The following NR3C2 variants were observed in gnomAD, a reference collection of about 807,000 sequenced individuals.
The protein encoded by NR3C2 is mineralocorticoid receptor.
A neutral mutation model predicts 86.4 loss-of-function variants in NR3C2; 15 were observed. The observed-to-expected ratio is 0.17, with a 90% confidence interval of 0.12 to 0.27. The LOEUF (loss-of-function observed/expected upper bound fraction) is 0.27. NR3C2 is among the 10% of genes least tolerant of loss of function. The pLI, the probability that NR3C2 is intolerant of heterozygous loss-of-function variation, is 1.00. For synonymous variants in NR3C2, 458 were observed against 450.5 expected (o/e 1.02, Z -0.21); for missense variants, 960 against 1,195.6 (o/e 0.80, Z 2.91).
chr4:148,435,454 T>G lies in NR3C2; in HGVS notation c.1407A>C (p.Leu469=). 7 of 1,614,148 alleles carry G rather than the reference T, an allele frequency of 4.3e-6. No individual in the cohort carries two copies. The highest frequency in any genetic ancestry group is 5.1e-6 in the Non-Finnish European group (6 of 1,180,018). ...SFMDDKDYYS[L]SGILGPPVPG... Reference sequence around the variant, plus strand: ...GCACAGGTGGTCCTAAAATTCCTGATAGGGAATAATAGTCTTTATCATCCA... The same window carrying G: ...GCACAGGTGGTCCTAAAATTCCTGAGAGGGAATAATAGTCTTTATCATCCA... Residue 469 remains leucine, a synonymous_variant, in exon 2 of 9, where the codon CTA becomes CTC. Coordinates refer to ENST00000358102, the MANE Select transcript of NR3C2 (RefSeq NM_000901.5).
chr4:148,298,559 A>AT, intron 2 of NR3C2, among the ~76,000 whole-genome samples: 1 of 152,374 alleles, frequency 6.6e-6, no homozygotes, highest in African/African-American at 2.4e-5. Flanking sequence ...AAAATCAATA[A>AT]TGGCAAATTA....
intron 2 of NR3C2, among the ~76,000 whole-genome samples, chr4:148,334,652 C>T (rs1744394087): frequency 6.6e-6 from 1 of 152,092 alleles, no homozygotes; most frequent in Admixed American, 6.5e-5. Flanking sequence ...AAGGAACAAC[C>T]AATGTAAAAG....
At chr4:148,381,367 A>G (rs981786995) in intron 2 of NR3C2, among the ~76,000 whole-genome samples, 10 of 152,216 alleles carry the variant, frequency 6.6e-5, no homozygotes. Flanking sequence ...GTTTCTCTAG[A>G]AAAATGTCCT....
chr4:148,354,012 T>C (rs1040709525), intron 2 of NR3C2, among the ~76,000 whole-genome samples: 1 of 152,120 alleles, frequency 6.6e-6, no homozygotes, highest in Non-Finnish European at 1.5e-5. Context: ...TCCTAAGATA[T>C]TATACTGCTA....
intron 6 of NR3C2, among the ~76,000 whole-genome samples, chr4:148,136,661 T>G (rs1030586953): frequency 6.6e-6 from 1 of 152,148 alleles, no homozygotes; most frequent in Admixed American, 6.5e-5. Flanking sequence ...TGCTTTTTTT[T>G]TTGAGATGGA....
Position 148,377,139 on chromosome 4 carries a change from T to A in NR3C2, c.1757+57965A>T, listed in dbSNP as rs866422708. Among the ~76,000 whole-genome samples, 37 of 152,272 alleles carry A rather than the reference T, an allele frequency of 2.4e-4. 1 individual carries two copies. In the Middle Eastern group the frequency reaches 0.014, roughly 56 times the overall value. ...GGAAGGAAGACAAAAGAAAGGTAAA[T>A]ACATATGATGTATAGATTATTAGAT... On this transcript the variant is annotated intron_variant, in intron 2 of 8. Transcript: ENST00000358102.
At chr4:148,170,625 G>C (rs369413461) in intron 4 of NR3C2, among the ~76,000 whole-genome samples, 2 of 152,164 alleles carry the variant, frequency 1.3e-5, no homozygotes, top group Non-Finnish European at 2.9e-5. Context: ...ACTCCCCTTC[G>C]ATGGAGCATT....
intron 3 of NR3C2, among the ~76,000 whole-genome samples, chr4:148,239,390 A>G (rs1480726619): frequency 6.6e-6 from 1 of 152,212 alleles, no homozygotes; most frequent in African/African-American, 2.4e-5. Context: ...TCTTCAGTTC[A>G]GCACTGGGGC....
chr4:148,276,457 A>G lies in NR3C2; in HGVS notation c.1758-16340T>C, dbSNP rs539919195. Among the ~76,000 whole-genome samples the G allele has an allele frequency of 2.0e-5, 3 of 152,308 alleles. No homozygotes were observed. The South Asian group carries it at 6.2e-4, about 32-fold the overall frequency. ...AGGAGAGTTTATCCTTACTACTCAA[A>G]AGAGTTACAGGAAGTTAAAAGACTT... On this transcript the variant is annotated intron_variant, in intron 2 of 8. Coordinates refer to ENST00000358102, the MANE Select transcript of NR3C2 (RefSeq NM_000901.5).
intron 3 of NR3C2, among the ~76,000 whole-genome samples, chr4:148,231,851 C>G (rs1394530666): frequency 6.6e-6 from 1 of 152,200 alleles, no homozygotes. Context: ...CAACAATGTT[C>G]AAAGCATCTT....
At chr4:148,343,984 A>G (rs1323348496) in intron 2 of NR3C2, among the ~76,000 whole-genome samples, 1 of 152,146 alleles carries the variant, frequency 6.6e-6, no homozygotes, top group Non-Finnish European at 1.5e-5. Flanking sequence ...TGTTGGTGAC[A>G]ATTCCTGACA....
At position 148,101,327 on chromosome 4, in the gene NR3C2, A is replaced by T. The variant is rs541248271; in HGVS notation, c.2799+12777T>A. On this transcript the variant is annotated intron_variant, in intron 8 of 8. Coordinates refer to ENST00000358102, the MANE Select transcript of NR3C2 (RefSeq NM_000901.5). ...TGTCTAAAAACCAGCCGCTGGGAAA[A>T]CATTAACCTTCTTGAAAGAGGTAAG... is the stretch of plus-strand genomic sequence containing the variant. Among the ~76,000 whole-genome samples the T allele has an allele frequency of 2.0e-5, 3 of 152,314 alleles. No individual in the cohort carries two copies. In the South Asian group the frequency reaches 6.2e-4, roughly 32 times the overall value.
At chr4:148,429,341 G>A (rs1459038799) in intron 2 of NR3C2, among the ~76,000 whole-genome samples, 1 of 152,192 alleles carries the variant, frequency 6.6e-6, no homozygotes, top group Non-Finnish European at 1.5e-5. Context: ...CATCAGAAAT[G>A]AAATTAAGTC....
At chr4:148,319,089 A>C (rs991766649) in intron 2 of NR3C2, among the ~76,000 whole-genome samples, 1 of 151,722 alleles carries the variant, frequency 6.6e-6, no homozygotes, top group African/African-American at 2.4e-5. Flanking sequence ...TCAGCTTTCT[A>C]CATATGGCTA....
At chr4:148,204,979 A>T (rs570278633) in intron 3 of NR3C2, among the ~76,000 whole-genome samples, 6 of 152,308 alleles carry the variant, frequency 3.9e-5, no homozygotes, top group Admixed American at 3.9e-4. Context: ...CCAACCAGCT[A>T]ATCCCTCAAG....
chr4:148,149,304 A>G (rs1251761906), intron 6 of NR3C2, among the ~76,000 whole-genome samples: 6 of 152,176 alleles, frequency 3.9e-5, no homozygotes, highest in Admixed American at 1.3e-4. Context: ...ATCTGTATCA[A>G]TATTTTCTAG....
chr4:148,407,004 T>G (rs1027431864), intron 2 of NR3C2, among the ~76,000 whole-genome samples: 10 of 152,214 alleles, frequency 6.6e-5, no homozygotes. Context: ...GACAACCATT[T>G]GCAAAGAGTT....
In NR3C2 at chr4:148,098,287, A is replaced by T. The variant is rs372298261; in HGVS notation, c.2799+15817T>A. Among the ~76,000 whole-genome samples the T allele has an allele frequency of 1.1e-4, 17 of 152,310 alleles. No individual in the cohort carries two copies. In the East Asian group the frequency reaches 3.3e-3, roughly 29 times the overall value. ...ACATCTTATTTAATGTATACTGCCA[A>T]TTCCCTAACATTGAACTCATGGCCA... is the stretch of plus-strand genomic sequence containing the variant. On this transcript the variant is annotated intron_variant, in intron 8 of 8. Coordinates refer to ENST00000358102, the MANE Select transcript of NR3C2 (RefSeq NM_000901.5).
chr4:148,350,684 T>C (rs867116717), intron 2 of NR3C2, among the ~76,000 whole-genome samples: 1 of 152,278 alleles, frequency 6.6e-6, no homozygotes, highest in Non-Finnish European at 1.5e-5. Context: ...GTTGTTCCCA[T>C]CACATTCAGA....
Sources: gnomAD v4.1 joint callset for allele counts (sites outside exome capture counted in the v4.1 genomes callset) on GRCh38, gnomAD v4.1.1 for gene constraint, MANE v1.5 for transcripts, NCBI Gene and HGNC (gene_info 2026-07-23, HGNC 2026-07-21) for gene names.